Variants in ANKS1B observed in about 807,000 individuals in gnomAD.
The protein encoded by ANKS1B is ankyrin repeat and sterile alpha motif domain-containing protein 1B.
In ANKS1B, 36 loss-of-function variants were observed where a neutral mutation model predicts 148.3. That is an observed-to-expected ratio of 0.24 (90% CI 0.19 to 0.32). The LOEUF is 0.32. Ranked by LOEUF, ANKS1B falls within the 10% of genes least tolerant of loss-of-function variation. ANKS1B has a pLI of 1.00. For synonymous variants in ANKS1B, 542 were observed against 560.8 expected, an observed-to-expected ratio of 0.97 and a Z score of 0.47; for missense variants, 1,157 against 1,542.6, an observed-to-expected ratio of 0.75 and a Z score of 4.19.
chr12:99,202,636 C>A (rs1339523397), intron 14 of ANKS1B, among the ~76,000 whole-genome samples: 1 of 152,248 alleles, frequency 6.6e-6, no homozygotes, highest in African/African-American at 2.4e-5. Flanking sequence ...ACAGACAGCT[C>A]TTATGCCACT....
intron 4 of ANKS1B, among the ~76,000 whole-genome samples, chr12:99,792,600 A>G (rs1292604691): frequency 6.6e-6 from 1 of 152,042 alleles, no homozygotes; most frequent in East Asian, 1.9e-4. Flanking sequence ...AACAGAATGA[A>G]GGACAAAAAA....
At chr12:99,488,471 A>C (rs565528777) in intron 10 of ANKS1B, among the ~76,000 whole-genome samples, 1 of 152,220 alleles carries the variant, frequency 6.6e-6, no homozygotes, top group Admixed American at 6.5e-5. Context: ...GTTTCTCTTA[A>C]AATTTTTACC....
chr12:99,425,272 A>G (rs58713062), intron 11 of ANKS1B, among the ~76,000 whole-genome samples: 2,322 of 152,052 alleles, frequency 0.015, 69 homozygotes, highest in African/African-American at 0.049. Context: ...TTACCATATA[A>G]TTAAGTTATT....
Position 98,744,922 on chromosome 12 carries a change from C to T in ANKS1B, c.*817G>A, listed in dbSNP as rs2097849210. On this transcript the variant is annotated 3_prime_UTR_variant, in exon 27 of 27. Transcript: ENST00000683438. Reference sequence around the variant, plus strand: ...GAGCATCACCAGTATTTTGCCACCACTGAGCCAGTCCTCTTGGTAGTAGCA... The same window carrying T: ...GAGCATCACCAGTATTTTGCCACCATTGAGCCAGTCCTCTTGGTAGTAGCA... The T allele has an allele frequency of 5.1e-6, 5 of 985,790 alleles. No homozygotes were observed. Among genetic ancestry groups the T allele is most frequent in the Non-Finnish European group, 6.0e-6 (5 of 829,910 alleles). 61.1% of individuals were successfully genotyped at this position (985,790 alleles called of 1,614,324 possible). A position where few individuals can be genotyped will look rare whatever the true frequency, so the allele number is the denominator to read the frequency against.
At position 99,385,016 on chromosome 12, in the gene ANKS1B, A is replaced by T. The variant is rs924877866; in HGVS notation, c.1756+14615T>A. Among the ~76,000 whole-genome samples, 10 of 152,270 alleles carry T rather than the reference A, an allele frequency of 6.6e-5. No individual in the cohort carries two copies. In the South Asian group the frequency reaches 2.1e-3, roughly 32 times the overall value. On this transcript the variant is annotated intron_variant, in intron 12 of 26. Coordinates refer to ENST00000683438, the MANE Select transcript of ANKS1B (RefSeq NM_001352186.2). ...CACCTAATTTTTGTTCAGTGTTTAC[A>T]GTTTTATATTTAATTTATAAACAGC...
chr12:98,870,400 C>T (rs2099652451), intron 17 of ANKS1B, among the ~76,000 whole-genome samples: 1 of 152,230 alleles, frequency 6.6e-6, no homozygotes, highest in Non-Finnish European at 1.5e-5. Context: ...GTTATTTTGC[C>T]AGATAGGCAG....
At chr12:99,579,493 A>T (rs192634411) in intron 9 of ANKS1B, among the ~76,000 whole-genome samples, 5 of 152,214 alleles carry the variant, frequency 3.3e-5, no homozygotes, top group East Asian at 1.9e-4. Flanking sequence ...GAAACATAAC[A>T]AAATCAACAA....
intron 12 of ANKS1B, among the ~76,000 whole-genome samples, chr12:99,266,522 C>CT (rs2076460421): frequency 6.6e-6 from 1 of 152,188 alleles, no homozygotes; most frequent in African/African-American, 2.4e-5. Flanking sequence ...CCTGGTTTGT[C>CT]TGACTCTAGA....
At chr12:99,461,078 A>T (rs1033269451) in intron 10 of ANKS1B, among the ~76,000 whole-genome samples, 2 of 152,006 alleles carry the variant, frequency 1.3e-5, no homozygotes, top group Non-Finnish European at 2.9e-5. Context: ...ACATACACAC[A>T]CCATGGAATA....
chr12:98,761,880 C>G (rs1055938498), intron 25 of ANKS1B, among the ~76,000 whole-genome samples: 7 of 152,220 alleles, frequency 4.6e-5, no homozygotes, highest in African/African-American at 1.7e-4. Context: ...GGAGGCTGCT[C>G]TTTCTGAGTG....
At chr12:98,976,733 A>G (rs1386884288) in intron 17 of ANKS1B, 1 of 152,238 alleles carries the variant, frequency 6.6e-6, no homozygotes. Flanking sequence ...TGGCTCAGGG[A>G]AACATTTATT....
chr12:99,911,192 G>C (rs1013483650), intron 1 of ANKS1B, among the ~76,000 whole-genome samples: 2 of 152,128 alleles, frequency 1.3e-5, no homozygotes. Flanking sequence ...GCTGCCACTT[G>C]AGCTATCCCT....
intron 17 of ANKS1B, among the ~76,000 whole-genome samples, chr12:98,972,436 TAAC>T (rs2099884005): frequency 6.6e-6 from 1 of 152,198 alleles, no homozygotes; most frequent in African/African-American, 2.4e-5. Flanking sequence ...TTATCTCGTT[TAAC>T]TCTCTTAACA....
chr12:99,036,161 G>A lies in ANKS1B; in HGVS notation c.2778+16996C>T, dbSNP rs539754310. On this transcript the variant is annotated intron_variant, in intron 17 of 26. Coordinates refer to ENST00000683438, the MANE Select transcript of ANKS1B (RefSeq NM_001352186.2). ...ATGAGCGACTGCAGCAGCATAAGAA[G>A]TCAGTGGTGTCAATGCCTGACAACT... 2.6e-5 allele frequency among the ~76,000 whole-genome samples: 4 copies of A among 152,322 alleles called. No individual in the cohort carries two copies. In the South Asian group the frequency reaches 8.3e-4, roughly 32 times the overall value.
chr12:99,267,346 C>T lies in ANKS1B; in HGVS notation c.1757-20482G>A, dbSNP rs557854805. ...ATTTTATGCCTAATTTTTTTTCTCT[C>T]CTGACTCTCTCTCTCTCTCTCTTGC... On this transcript the variant is annotated intron_variant, in intron 12 of 26. Transcript: ENST00000683438. 7.9e-5 allele frequency among the ~76,000 whole-genome samples: 12 copies of T among 152,112 alleles called. No homozygotes were observed. The South Asian group carries it at 1.9e-3, about 24-fold the overall frequency.
intron 22 of ANKS1B, among the ~76,000 whole-genome samples, chr12:98,791,481 C>A (rs970727292): frequency 6.6e-6 from 1 of 152,192 alleles, no homozygotes; most frequent in Admixed American, 6.5e-5. Context: ...GCTGTATTCA[C>A]TATGACTCAC....
At chr12:99,888,498 G>A (rs1454196854) in intron 1 of ANKS1B, among the ~76,000 whole-genome samples, 1 of 152,162 alleles carries the variant, frequency 6.6e-6, no homozygotes, top group Non-Finnish European at 1.5e-5. Context: ...AAAACAAGTG[G>A]AGATAGCAAG....
chr12:99,912,354 AT>A (rs34445475), intron 1 of ANKS1B, among the ~76,000 whole-genome samples: 62,108 of 145,586 alleles, frequency 0.43, 13,201 homozygotes, highest in African/African-American at 0.53. Context: ...TTCCCAATCA[AT>A]TTTTTTTTTT....
At chr12:99,907,812 T>TAAAAAAAAAAAAAAA (rs751468199) in intron 1 of ANKS1B, among the ~76,000 whole-genome samples, 2 of 100,158 alleles carry the variant, frequency 2.0e-5, no homozygotes, top group African/African-American at 3.8e-5. Context: ...GAGAAATTCT[T>TAAAAAAAAAAAAAAA]AAAAAAAAAA....
Sources: allele counts gnomAD v4.1 joint callset (sites outside exome capture counted in the v4.1 genomes callset), GRCh38; gene constraint gnomAD v4.1.1; transcripts MANE v1.5; gene names NCBI Gene and HGNC (gene_info 2026-07-23, HGNC 2026-07-21).